Variants in GRM8 observed in about 807,000 individuals in gnomAD.
GRM8 encodes metabotropic glutamate receptor 8.
GRM8 carries 47 observed loss-of-function variants against 87.2 expected under a neutral mutation model. The ratio of observed to expected loss-of-function variants is 0.54; its 90% confidence interval spans 0.43 to 0.69. The LOEUF (loss-of-function observed/expected upper bound fraction) is 0.69. Ranked by LOEUF, GRM8 falls within the 30% of genes least tolerant of loss-of-function variation. The probability of loss-of-function intolerance (pLI) is 0.00; values close to 1 mark genes in which losing one functional copy is unlikely to be tolerated. For missense variants in GRM8, 1,019 were observed against 1,139.2 expected, an observed-to-expected ratio of 0.89 and a Z score of 1.52; for synonymous variants, 396 against 404.5, an observed-to-expected ratio of 0.98 and a Z score of 0.25.
chr7:126,631,574 C>A (rs1234209359), intron 7 of GRM8, among the ~76,000 whole-genome samples: 1 of 151,608 alleles, frequency 6.6e-6, no homozygotes, highest in Non-Finnish European at 1.5e-5. Context: ...CTCGCATAGG[C>A]AAGACAATCG....
chr7:127,220,227 G>A (rs1796833019), intron 2 of GRM8, among the ~76,000 whole-genome samples: 1 of 152,052 alleles, frequency 6.6e-6, no homozygotes, highest in Non-Finnish European at 1.5e-5. Flanking sequence ...CTAGCCCCCA[G>A]AGCTGTCCAG....
At chr7:126,446,921 A>AT (rs1168336774) in intron 9 of GRM8, among the ~76,000 whole-genome samples, 1 of 151,840 alleles carries the variant, frequency 6.6e-6, no homozygotes, top group Non-Finnish European at 1.5e-5. Context: ...TAAGGGCTTG[A>AT]TTTTTTTTAA....
intron 8 of GRM8, among the ~76,000 whole-genome samples, chr7:126,604,515 G>A (rs527847718): frequency 1.4e-4 from 21 of 152,108 alleles, no homozygotes; most frequent in Admixed American, 1.2e-3. Context: ...TATCACATTC[G>A]TTCAATACTT....
intron 7 of GRM8, among the ~76,000 whole-genome samples, chr7:126,653,890 A>G (rs1176046106): frequency 6.6e-6 from 1 of 152,250 alleles, no homozygotes; most frequent in Non-Finnish European, 1.5e-5. Context: ...AATTGAACAC[A>G]AGGCTATTTC....
intron 3 of GRM8, among the ~76,000 whole-genome samples, chr7:126,913,646 T>C (rs908989670): frequency 1.3e-5 from 2 of 152,242 alleles, no homozygotes; most frequent in African/African-American, 4.8e-5. Context: ...TCCATCTTTC[T>C]GAAGACATAA....
At chr7:127,203,482 T>C (rs1158706058) in intron 2 of GRM8, among the ~76,000 whole-genome samples, 2 of 151,802 alleles carry the variant, frequency 1.3e-5, no homozygotes, top group South Asian at 4.2e-4. Flanking sequence ...CCAAGGCGGG[T>C]GAATCACCTG....
At chr7:126,604,282 C>CT (rs1798130581) in intron 8 of GRM8, among the ~76,000 whole-genome samples, 1 of 152,028 alleles carries the variant, frequency 6.6e-6, no homozygotes, top group African/African-American at 2.4e-5. Context: ...ACAGAGGCTA[C>CT]TTTTTTAAAT....
chr7:126,864,362 T>A (rs1359468950), intron 6 of GRM8, among the ~76,000 whole-genome samples: 1 of 152,044 alleles, frequency 6.6e-6, no homozygotes, highest in Admixed American at 6.6e-5. Flanking sequence ...CTGCTTTAGA[T>A]TTTTTTTATT....
At chr7:127,226,353 T>C (rs1797321552) in intron 2 of GRM8, among the ~76,000 whole-genome samples, 1 of 152,204 alleles carries the variant, frequency 6.6e-6, no homozygotes, top group African/African-American at 2.4e-5. Flanking sequence ...CAAAAACCTA[T>C]AGCCTTTTAT....
intron 6 of GRM8, among the ~76,000 whole-genome samples, chr7:126,882,910 G>T (rs544619054): frequency 3.2e-4 from 49 of 152,126 alleles, no homozygotes; most frequent in Middle Eastern, 3.4e-3. Context: ...CTTTACCCTG[G>T]GGCAGTTTTC....
At chr7:126,581,533 C>T (rs775840306) in intron 8 of GRM8, among the ~76,000 whole-genome samples, 1 of 152,102 alleles carries the variant, frequency 6.6e-6, no homozygotes, top group East Asian at 1.9e-4. Context: ...GACGTGATCA[C>T]TATACCTGAG....
At chr7:126,862,242 T>A (rs1452794471) in intron 6 of GRM8, among the ~76,000 whole-genome samples, 7 of 151,984 alleles carry the variant, frequency 4.6e-5, no homozygotes, top group African/African-American at 1.4e-4. Context: ...TTTAATGCCA[T>A]CCCATTAATT....
At chr7:126,537,940 C>CCATA (rs1816032013) in intron 8 of GRM8, among the ~76,000 whole-genome samples, 1 of 152,038 alleles carries the variant, frequency 6.6e-6, no homozygotes, top group African/African-American at 2.4e-5. Flanking sequence ...GATGCCTTAA[C>CCATA]CATATATTTT....
intron 10 of GRM8, among the ~76,000 whole-genome samples, chr7:126,444,002 G>T (rs1290471333): frequency 1.3e-5 from 2 of 151,532 alleles, no homozygotes; most frequent in Non-Finnish European, 2.9e-5. Flanking sequence ...TGAATGACTG[G>T]TATTTATATC....
intron 7 of GRM8, among the ~76,000 whole-genome samples, chr7:126,654,091 C>A (rs559915024): frequency 1.4e-4 from 22 of 152,246 alleles, no homozygotes; most frequent in African/African-American, 5.1e-4. Context: ...TCTCTATATA[C>A]CCATTTATAG....
chr7:126,486,924 G>A (rs1035857696), intron 9 of GRM8, among the ~76,000 whole-genome samples: 12 of 152,024 alleles, frequency 7.9e-5, no homozygotes, highest in Middle Eastern at 3.2e-3. Flanking sequence ...ACCACAATGT[G>A]TTAGCTGTTA....
rs17866783 is a variant in GRM8, at chr7:127,210,752, C to T, written c.510+31943G>A. Among the ~76,000 whole-genome samples, 265 of 152,316 alleles carry T rather than the reference C, an allele frequency of 1.7e-3. 9 individuals carry two copies. In the East Asian group the frequency reaches 0.047, roughly 27 times the overall value. On this transcript the variant is annotated intron_variant, in intron 2 of 10. Transcript: ENST00000339582. ...CCCCAAGACACCAGGGGAACACTGG[C>T]ACTGTCCCTTTGGTTTCATAGAAAA...
intron 7 of GRM8, among the ~76,000 whole-genome samples, chr7:126,693,959 G>A (rs1026349727): frequency 6.6e-6 from 1 of 151,578 alleles, no homozygotes; most frequent in Non-Finnish European, 1.5e-5. Flanking sequence ...TATGCCCTTT[G>A]TAAATTGCTA....
At chr7:127,068,964 G>C (rs1309477243) in intron 3 of GRM8, among the ~76,000 whole-genome samples, 1 of 152,142 alleles carries the variant, frequency 6.6e-6, no homozygotes, top group Non-Finnish European at 1.5e-5. Flanking sequence ...GACATAAAGA[G>C]AGGAGGATCG....
Sources: allele counts gnomAD v4.1 joint callset (sites outside exome capture counted in the v4.1 genomes callset), GRCh38; gene constraint gnomAD v4.1.1; transcripts MANE v1.5; gene names NCBI Gene and HGNC (gene_info 2026-07-23, HGNC 2026-07-21).